ATP8A2: variants seen among roughly 807,000 people sequenced by gnomAD.
The protein encoded by ATP8A2 is phospholipid-transporting ATPase IB.
Under a neutral mutation model 165.6 loss-of-function variants are expected in ATP8A2, and 100 were observed. That is an observed-to-expected ratio of 0.60 (90% CI 0.51 to 0.71). The LOEUF is 0.71. Among genes scored for constraint, ATP8A2 ranks in the 30% least tolerant of loss-of-function variants. ATP8A2 has a pLI of 0.00. For missense variants in ATP8A2, 1,227 were observed against 1,479.5 expected (o/e 0.83, Z 2.80); for synonymous variants, 543 against 548.8 (o/e 0.99, Z 0.15).
At chr13:25,429,263 G>A (rs1386494989) in intron 1 of ATP8A2, among the ~76,000 whole-genome samples, 2 of 151,670 alleles carry the variant, frequency 1.3e-5, no homozygotes, top group South Asian at 2.1e-4. Context: ...TTAGCAACTC[G>A]GGAGGCTGAG....
intron 1 of ATP8A2, among the ~76,000 whole-genome samples, chr13:25,441,057 A>G (rs972368648): frequency 2.0e-5 from 3 of 152,178 alleles, no homozygotes; most frequent in Non-Finnish European, 4.4e-5. Context: ...GGAAAACTAT[A>G]AACTCCTGAT....
chr13:26,010,463 G>A (rs1054365222), intron 35 of ATP8A2, among the ~76,000 whole-genome samples: 1 of 152,254 alleles, frequency 6.6e-6, no homozygotes, highest in Non-Finnish European at 1.5e-5. Flanking sequence ...GGCCTGGCTG[G>A]TGAGGCTACC....
chr13:25,557,467 A>C (rs2039014484), intron 13 of ATP8A2, among the ~76,000 whole-genome samples: 1 of 152,150 alleles, frequency 6.6e-6, no homozygotes, highest in African/African-American at 2.4e-5. Flanking sequence ...GGTGCATATC[A>C]GGCTAAATTT....
chr13:25,489,588 C>T (rs2036459728), intron 2 of ATP8A2, among the ~76,000 whole-genome samples: 2 of 152,200 alleles, frequency 1.3e-5, no homozygotes, highest in Admixed American at 1.3e-4. Flanking sequence ...GCATCCTCCC[C>T]AGCACGACGC....
At chr13:25,650,895 T>A (rs2041796345) in intron 24 of ATP8A2, among the ~76,000 whole-genome samples, 1 of 152,200 alleles carries the variant, frequency 6.6e-6, no homozygotes, top group Non-Finnish European at 1.5e-5. Flanking sequence ...TTGTTTTAGG[T>A]ATTTGTTTAA....
intron 2 of ATP8A2, among the ~76,000 whole-genome samples, chr13:25,509,082 AT>A (rs927155044): frequency 1.1e-4 from 16 of 152,310 alleles, no homozygotes; most frequent in African/African-American, 3.8e-4. Flanking sequence ...GACCAGAAAT[AT>A]TCTTCCTGGC....
intron 33 of ATP8A2, among the ~76,000 whole-genome samples, chr13:25,952,823 C>T (rs1225985273): frequency 6.6e-6 from 1 of 152,170 alleles, no homozygotes; most frequent in Non-Finnish European, 1.5e-5. Flanking sequence ...GTGTCAGCGC[C>T]ACACAGCCAC....
chr13:25,565,394 G>A (rs892782540), intron 16 of ATP8A2, among the ~76,000 whole-genome samples: 8 of 152,112 alleles, frequency 5.3e-5, no homozygotes, highest in South Asian at 2.1e-4. Context: ...AACATCTACT[G>A]TTTTTGATTT....
At chr13:25,808,043 T>C (rs1220283920) in intron 27 of ATP8A2, among the ~76,000 whole-genome samples, 1 of 68 alleles carries the variant, frequency 0.015, no homozygotes, top group Non-Finnish European at 0.026. Context: ...AATCACAAGT[T>C]GCCTATTTAA....
At chr13:25,488,131 G>A (rs1015601791) in intron 2 of ATP8A2, among the ~76,000 whole-genome samples, 1 of 152,122 alleles carries the variant, frequency 6.6e-6, no homozygotes, top group African/African-American at 2.4e-5. Context: ...GGTTGGGTAG[G>A]CTTGTTGCTC....
chr13:25,747,206 T>C (rs1164167787), intron 25 of ATP8A2, among the ~76,000 whole-genome samples: 3 of 152,244 alleles, frequency 2.0e-5, no homozygotes, highest in African/African-American at 7.2e-5. Flanking sequence ...TTAGCTACAA[T>C]TCATTTATTT....
At chr13:25,777,612 A>T (rs2044771340) in intron 27 of ATP8A2, among the ~76,000 whole-genome samples, 1 of 152,258 alleles carries the variant, frequency 6.6e-6, no homozygotes, top group African/African-American at 2.4e-5. Context: ...AAGATACATA[A>T]CTACTAATCA....
intron 33 of ATP8A2, among the ~76,000 whole-genome samples, chr13:25,956,950 C>A (rs981863204): frequency 1.3e-5 from 2 of 152,046 alleles, no homozygotes. Context: ...AGAACAGAGG[C>A]CTCAGAAATA....
At chr13:25,672,724 A>C (rs2042293530) in intron 24 of ATP8A2, among the ~76,000 whole-genome samples, 3 of 152,188 alleles carry the variant, frequency 2.0e-5, no homozygotes, top group Non-Finnish European at 4.4e-5. Flanking sequence ...ATCTGACCCC[A>C]GGGTAGGATC....
rs574420504 is a variant in ATP8A2, at chr13:25,565,930, A to G, written c.1473+1899A>G. Among the ~76,000 whole-genome samples the G allele has an allele frequency of 2.0e-5, 3 of 152,342 alleles. No individual in the cohort carries two copies. In the South Asian group the frequency reaches 6.2e-4, roughly 32 times the overall value. On this transcript the variant is annotated intron_variant, in intron 16 of 36. Transcript: ENST00000381655. ...ACATTTCACAACTAGTTAAGTCAGT[A>G]TAAATTAGATGTAATATGATTAATT...
chr13:25,761,182 A>G (rs73154579), intron 25 of ATP8A2, among the ~76,000 whole-genome samples: 2,164 of 152,338 alleles, frequency 0.014, 25 homozygotes, highest in Non-Finnish European at 0.021. Flanking sequence ...TGTTTCAGCC[A>G]TACCAAAATA....
At position 25,531,167 on chromosome 13, in the gene ATP8A2, GTTATATGAT is replaced by G. The variant is rs1566228523; in HGVS notation, c.420+508_420+516del. ...TATATGTTATATATATGATATATAT[GTTATATGAT>G]ATATATATGTTATATATGTTATATA... On this transcript the variant is annotated intron_variant, in intron 4 of 36. Transcript: ENST00000381655. Among the ~76,000 whole-genome samples, 50 of 75,922 alleles carry G rather than the reference GTTATATGAT, an allele frequency of 6.6e-4. 1 individual carries two copies. The highest frequency in any genetic ancestry group is 2.2e-3 in the African/African-American group (40 of 18,048). The allele number at this position is 75,922 out of a possible 152,430, so 49.8% of individuals were successfully genotyped here.
chr13:25,802,984 A>G (rs938601797), intron 27 of ATP8A2, among the ~76,000 whole-genome samples: 2 of 151,844 alleles, frequency 1.3e-5, no homozygotes, highest in Admixed American at 6.6e-5. Flanking sequence ...CTAATTAGAT[A>G]TGGGTAAGAC....
At chr13:25,654,410 G>C (rs2041881815) in intron 24 of ATP8A2, among the ~76,000 whole-genome samples, 1 of 152,088 alleles carries the variant, frequency 6.6e-6, no homozygotes, top group African/African-American at 2.4e-5. Flanking sequence ...TCATCATGTT[G>C]CCCAGATAGT....
Sources: allele counts gnomAD v4.1 joint callset (sites outside exome capture counted in the v4.1 genomes callset), GRCh38; gene constraint gnomAD v4.1.1; transcripts MANE v1.5; gene names NCBI Gene and HGNC (gene_info 2026-07-23, HGNC 2026-07-21).